COPE: variants seen among roughly 807,000 people sequenced by gnomAD.
COPE encodes the protein coat protein complex I subunit epsilon.
In COPE, 19 loss-of-function variants were observed where a neutral mutation model predicts 42.1. That is an observed-to-expected ratio of 0.45 (90% confidence interval 0.31 to 0.66). The LOEUF is 0.66. Among genes scored for constraint, COPE ranks in the 30% least tolerant of loss-of-function variants. The pLI is 0.05. For missense variants in COPE, 402 were observed against 416.1 expected (o/e 0.97, Z 0.30); for synonymous variants, 195 against 181.3 (o/e 1.08, Z -0.60).
chr19:18,906,694 A>C, intron 4 of COPE: 1 of 376,930 alleles, frequency 2.7e-6, no homozygotes, highest in Non-Finnish European at 4.8e-6. Context: ...AACCGAGCAG[A>C]GACAAAGCCG....
intron 1 of COPE, among the ~76,000 whole-genome samples, chr19:18,914,416 C>T (rs2056836747): frequency 6.6e-6 from 1 of 151,952 alleles, no homozygotes; most frequent in Admixed American, 6.6e-5. Context: ...TGGCGGGCGC[C>T]TATAATCCCA....
intron 3 of COPE, among the ~76,000 whole-genome samples, chr19:18,910,111 TC>T (rs1248791000): frequency 6.6e-6 from 1 of 152,024 alleles, no homozygotes; most frequent in Non-Finnish European, 1.5e-5. Flanking sequence ...CACAGCAGTC[TC>T]CCCATGCCAG....
rs1463531163 is a variant in COPE, at chr19:18,899,690, G to C, written c.916C>G (p.Pro306Ala). 12 of 1,613,582 alleles carry C rather than the reference G, an allele frequency of 7.4e-6. No homozygotes were observed. The highest frequency in any genetic ancestry group is 1.0e-5 in the Non-Finnish European group (12 of 1,179,976). ...DFDRLVLQYA[P>A]SA Reference sequence around the variant, plus strand: ...GCTCTGGGCCAGCCTCAGGCGCTGGGAGCGTACTGTAGCACCAGCCTGTCA... The same window carrying C: ...GCTCTGGGCCAGCCTCAGGCGCTGGCAGCGTACTGTAGCACCAGCCTGTCA... The change falls in exon 10 of 10, where the codon CCC (proline) becomes GCC (alanine). Residue 306 changes from proline to alanine, a missense_variant. Pro to Ala is a conservative substitution (Grantham distance 27). Coordinates refer to ENST00000262812, the MANE Select transcript of COPE (RefSeq NM_007263.4).
chr19:18,915,163 A>G (rs2056843539), intron 1 of COPE, among the ~76,000 whole-genome samples: 1 of 152,130 alleles, frequency 6.6e-6, no homozygotes, highest in African/African-American at 2.4e-5. Context: ...GACTATGATC[A>G]TGCCACTGCA....
intron 3 of COPE, among the ~76,000 whole-genome samples, chr19:18,909,061 G>A (rs145171132): frequency 1.3e-5 from 2 of 152,332 alleles, no homozygotes; most frequent in African/African-American, 4.8e-5. Flanking sequence ...GGGGCGTCCT[G>A]CCAATGAGGT....
chr19:18,908,927 GA>G (rs1220904201), intron 3 of COPE, among the ~76,000 whole-genome samples: 1 of 152,172 alleles, frequency 6.6e-6, no homozygotes, highest in Non-Finnish European at 1.5e-5. Context: ...GAGCCTGGGA[GA>G]TCAAGGCTGC....
intron 5 of COPE, among the ~76,000 whole-genome samples, chr19:18,905,329 C>A (rs989800952): frequency 6.6e-6 from 1 of 152,148 alleles, no homozygotes; most frequent in Non-Finnish European, 1.5e-5. Flanking sequence ...CTCCATGAAG[C>A]CCACCCTCAC....
chr19:18,910,852 G>A (rs996687435), intron 3 of COPE, 119 bp downstream of exon 3: 1 of 810,938 alleles, frequency 1.2e-6, no homozygotes, highest in African/African-American at 1.7e-5. Flanking sequence ...GAGGGGAGAG[G>A]CGCCTAATCT....
intron 1 of COPE, among the ~76,000 whole-genome samples, chr19:18,918,517 C>A (rs926897839): frequency 2.0e-5 from 3 of 152,130 alleles, no homozygotes; most frequent in Non-Finnish European, 4.4e-5. Flanking sequence ...CGGTTCACTG[C>A]AACCTCGGCC....
rs368392329 is a variant in COPE at position 18,908,521 on chromosome 19, C to CTCT, written c.291-1410_291-1409insAGA. Among the ~76,000 whole-genome samples the CTCT allele has an allele frequency of 1.2e-3, 169 of 146,768 alleles. 8 individuals carry two copies. The highest frequency in any genetic ancestry group is 3.7e-3 in the Middle Eastern group (1 of 272). On this transcript the variant is annotated intron_variant, in intron 3 of 9. Transcript: ENST00000262812. Reference sequence around the variant, plus strand: ...GGCAACATGGCAAAACCCCATCTCTCTTTTTTTTTTTTTGAGACGGAGTCT... The same window carrying CTCT: ...GGCAACATGGCAAAACCCCATCTCTCTCTTTTTTTTTTTTTTGAGACGGAGTCT...
At chr19:18,919,178 C>T (rs1336341586) in intron 1 of COPE, 45 bp downstream of exon 1, 1 of 1,573,326 alleles carries the variant, frequency 6.4e-7, no homozygotes, top group Non-Finnish European at 8.6e-7. Flanking sequence ...AGAAAGCGTC[C>T]TCCGCCTCCG....
chr19:18,907,316 A>G (rs1442264454), intron 3 of COPE, among the ~76,000 whole-genome samples: 1 of 151,842 alleles, frequency 6.6e-6, no homozygotes, highest in East Asian at 1.9e-4. Context: ...CCAGGCAAGG[A>G]CCCGAGGCCG....
At chr19:18,912,338 C>T (rs193059445) in intron 2 of COPE, among the ~76,000 whole-genome samples, 51 of 151,606 alleles carry the variant, frequency 3.4e-4, no homozygotes, top group African/African-American at 1.1e-3. Flanking sequence ...TTTGTAGAGA[C>T]GGGGGTCTCA....
At chr19:18,900,177 T>C (rs2056683906) in intron 8 of COPE, among the ~76,000 whole-genome samples, 1 of 150,822 alleles carries the variant, frequency 6.6e-6, no homozygotes, top group African/African-American at 2.4e-5. Flanking sequence ...GTGGGGGATG[T>C]ATTGTGGTGT....
intron 5 of COPE, 64 bp from the exon 6 acceptor site, chr19:18,904,916 C>A: frequency 6.7e-7 from 1 of 1,486,742 alleles, no homozygotes; most frequent in Non-Finnish European, 9.2e-7. Flanking sequence ...CCATCCCTGC[C>A]TTGTCCCCAC....
At chr19:18,903,988 A>G (rs924841200) in intron 6 of COPE, among the ~76,000 whole-genome samples, 1 of 152,002 alleles carries the variant, frequency 6.6e-6, no homozygotes, top group Non-Finnish European at 1.5e-5. Context: ...TTTCTTTCTC[A>G]GAGTTTCACT....
chr19:18,899,563 TG>T lies in COPE; in HGVS notation c.*115del. 1 of 980,038 alleles carries T rather than the reference TG, an allele frequency of 1.0e-6. No individual in the cohort carries two copies. Among genetic ancestry groups the T allele is most frequent in the Non-Finnish European group, 1.6e-6 (1 of 630,384 alleles). The allele number at this position is 980,038 out of a possible 1,614,324, so 60.7% of individuals were successfully genotyped here. A position where few individuals can be genotyped will look rare whatever the true frequency, so the allele number is the denominator to read the frequency against. ...GATATTTATTAACAGATGGGGGTGC[TG>T]GGGGTGGGCTCCTGCCCCCAGAGGG... On this transcript the variant is annotated 3_prime_UTR_variant, in exon 10 of 10. Coordinates refer to ENST00000262812, the MANE Select transcript of COPE (RefSeq NM_007263.4).
intron 2 of COPE, chr19:18,911,326 T>TC (rs1225438198): frequency 2.0e-6 from 1 of 501,702 alleles, no homozygotes; most frequent in African/African-American, 1.9e-5. Context: ...TTACTGTCTA[T>TC]CCCCTGGCAG....
intron 3 of COPE, among the ~76,000 whole-genome samples, chr19:18,908,003 G>C (rs1240478333): frequency 1.3e-5 from 2 of 152,218 alleles, no homozygotes; most frequent in Non-Finnish European, 2.9e-5. Context: ...ATGTTACAGG[G>C]ATCATGCAGG....
Sources: gnomAD v4.1 joint callset for allele counts (sites outside exome capture counted in the v4.1 genomes callset) on GRCh38, gnomAD v4.1.1 for gene constraint, MANE v1.5 for transcripts, NCBI Gene and HGNC (gene_info 2026-07-23, HGNC 2026-07-21) for gene names.